SALL3: variants seen among roughly 807,000 people sequenced by gnomAD.
The protein encoded by SALL3 is sal-like protein 3.
SALL3 carries 25 observed loss-of-function variants against 66.2 expected under a neutral mutation model. The observed-to-expected ratio is 0.38, with a 90% CI of 0.28 to 0.53. SALL3 has a LOEUF of 0.53. SALL3 is among the 20% of genes least tolerant of loss of function. The pLI is 0.85. For synonymous variants in SALL3, 1,152 were observed against 899.1 expected, an observed-to-expected ratio of 1.28 and a Z score of -5.03; for missense variants, 2,194 against 1,916.5, an observed-to-expected ratio of 1.14 and a Z score of -2.70.
In SALL3 at chr18:78,993,315, C is replaced by T; in HGVS notation, c.1324C>T (p.His442Tyr). 6 of 1,612,316 alleles carry T rather than the reference C, an allele frequency of 3.7e-6. No individual in the cohort carries two copies. Among genetic ancestry groups the T allele is most frequent in the Non-Finnish European group, 5.1e-6 (6 of 1,179,868 alleles). The change falls in exon 2 of 3, where the codon CAC becomes TAC. Residue 442 changes from histidine to tyrosine, a missense_variant. His to Tyr is a moderately conservative substitution (Grantham distance 83, BLOSUM62 2). Transcript: ENST00000537592. ...CGCGCTCCAGATCCACCTGCGCTCG[C>T]ACACAGGCGAGCGGCCCTTCAAGTG... ...DSALQIHLRS[H>Y]TGERPFKCNI...
Position 78,993,200 on chromosome 18 carries a change from T to C in SALL3, c.1209T>C (p.Asn403=), listed in dbSNP as rs753907908. 3.1e-6 allele frequency: 5 copies of C among 1,611,208 alleles called. No homozygotes were observed. The highest frequency in any genetic ancestry group is 4.2e-6 in the Non-Finnish European group (5 of 1,179,554). The change falls in exon 2 of 3, where the codon AAT becomes AAC. Residue 403 remains asparagine (N), a synonymous_variant. Transcript: ENST00000537592. ...AGCACCGCAAGGGCAAGCCGCCCAA[T>C]GTGTCGGTGTTCGAGCCCAAAGCCA... ...LMKHRKGKPP[N]VSVFEPKASA...
In SALL3 at chr18:78,992,220, C is replaced by G; in HGVS notation, c.229C>G (p.Pro77Ala). 1 of 1,606,936 alleles carries G rather than the reference C, an allele frequency of 6.2e-7. No individual in the cohort carries two copies. The highest frequency in any genetic ancestry group is 8.5e-7 in the Non-Finnish European group (1 of 1,178,198). The change falls in exon 2 of 3, where the codon CCG becomes GCG. Residue 77 changes from proline (P) to alanine (A), a missense_variant. Pro to Ala is a conservative substitution (Grantham distance 27). Coordinates refer to ENST00000537592, the MANE Select transcript of SALL3 (RefSeq NM_171999.4). Reference protein sequence around the residue: ...LEHQRSCTKLPPVLIVHEDAP... With the variant: ...LEHQRSCTKLAPVLIVHEDAP... ...GCACCAGCGGAGCTGCACCAAGCTC[C>G]CGCCCGTGCTGATCGTGCACGAGGA...
At chr18:78,986,206 T>G (rs1447633892) in intron 1 of SALL3, among the ~76,000 whole-genome samples, 2 of 152,200 alleles carry the variant, frequency 1.3e-5, no homozygotes, top group Non-Finnish European at 2.9e-5. Context: ...CCCGGGTGCT[T>G]CACTGCACAG....
At chr18:78,991,508 A>G (rs1359447426) in intron 1 of SALL3, among the ~76,000 whole-genome samples, 3 of 152,214 alleles carry the variant, frequency 2.0e-5, no homozygotes, top group Admixed American at 1.3e-4. Context: ...AATTGCCTAC[A>G]TAAAGTAAAT....
rs1447114346 is a variant in SALL3, at chr18:78,992,786, G to T, written c.795G>T (p.Pro265=). Residue 265 remains proline, a synonymous_variant, in exon 2 of 3, where the codon CCG becomes CCT. Coordinates refer to ENST00000537592, the MANE Select transcript of SALL3 (RefSeq NM_171999.4). ...AGCTGCCCGGGCTGGCCGCGCTCCC[G>T]CTGTCGGCCGGGGCCCCTGCCGCCG... ...PSQLPGLAAL[P]LSAGAPAAAI... 3 of 990,584 alleles carry T rather than the reference G, an allele frequency of 3.0e-6. No individual in the cohort carries two copies. The African/African-American group carries it at 5.3e-5, about 17-fold the overall frequency. The allele number at this position is 990,584 out of a possible 1,614,324, so 61.4% of individuals were successfully genotyped here.
intron 1 of SALL3, among the ~76,000 whole-genome samples, chr18:78,986,002 A>G (rs1029303319): frequency 6.6e-6 from 1 of 152,228 alleles, no homozygotes; most frequent in Non-Finnish European, 1.5e-5. Context: ...TTCATTAGGC[A>G]TAGATAGTGA....
At position 78,995,152 on chromosome 18, in the gene SALL3, C is replaced by G. The variant is rs772854234; in HGVS notation, c.3161C>G (p.Ser1054Cys). ...AGCCAAAGCACTCCTAGCCTGATCTCCAGCGCCGCACCCACCATGATCAAA... is the reference window on the plus strand; with the variant it reads ...AGCCAAAGCACTCCTAGCCTGATCTGCAGCGCCGCACCCACCATGATCAAA... ...GPSQSTPSLISSAAPTMIKME... is the reference protein window; with the variant it reads ...GPSQSTPSLICSAAPTMIKME... Residue 1054 changes from serine (S) to cysteine (C), a missense_variant, in exon 2 of 3, where the codon TCC becomes TGC. Coordinates refer to ENST00000537592, the MANE Select transcript of SALL3 (RefSeq NM_171999.4). 2.6e-5 allele frequency: 42 copies of G among 1,613,466 alleles called. No homozygotes were observed. The highest frequency in any genetic ancestry group is 3.2e-5 in the Non-Finnish European group (38 of 1,180,028).
At position 78,993,540 on chromosome 18, in the gene SALL3, C is replaced by T; in HGVS notation, c.1549C>T (p.Pro517Ser). The change falls in exon 2 of 3, where the codon CCC (proline) becomes TCC (serine). Residue 517 changes from proline (P) to serine (S), a missense_variant. Pro to Ser is a moderately conservative substitution (Grantham distance 74). Coordinates refer to ENST00000537592, the MANE Select transcript of SALL3 (RefSeq NM_171999.4). Reference sequence around the variant, plus strand: ...CGTGACCACCTGGCTGGACAGCAAGCCCGTGCTGCCCACCGTGCCCACGTC... The same window carrying T: ...CGTGACCACCTGGCTGGACAGCAAGTCCGTGCTGCCCACCGTGCCCACGTC... ...KPVTTWLDSKPVLPTVPTSVG... is the reference protein window; with the variant it reads ...KPVTTWLDSKSVLPTVPTSVG... 3 of 1,594,946 alleles carry T rather than the reference C, an allele frequency of 1.9e-6. No individual in the cohort carries two copies. The highest frequency in any genetic ancestry group is 1.1e-5 in the South Asian group (1 of 89,266).
At chr18:78,996,493 G>A (rs977333605) in intron 2 of SALL3, among the ~76,000 whole-genome samples, 2 of 152,204 alleles carry the variant, frequency 1.3e-5, no homozygotes, top group Non-Finnish European at 2.9e-5. Flanking sequence ...CACAGTCAGA[G>A]AGTCCCAGCA....
Position 78,995,089 on chromosome 18 carries a change from C to T in SALL3, c.3098C>T (p.Pro1033Leu), listed in dbSNP as rs967334137. The T allele has an allele frequency of 3.7e-6, 6 of 1,613,882 alleles. No homozygotes were observed. The highest frequency in any genetic ancestry group is 4.2e-6 in the Non-Finnish European group (5 of 1,180,034). Residue 1033 changes from proline to leucine, a missense_variant, in exon 2 of 3, where the codon CCT (proline) becomes CTT (leucine). By Grantham distance (98) the Pro-to-Leu change is moderately conservative (BLOSUM62 -3). Coordinates refer to ENST00000537592, the MANE Select transcript of SALL3 (RefSeq NM_171999.4). ...HLLTHRLKEL[P>L]SQLFDPNFAL... Reference sequence around the variant, plus strand: ...CTGACACACAGATTGAAAGAGCTGCCTTCTCAGTTATTTGACCCCAACTTT... The same window carrying T: ...CTGACACACAGATTGAAAGAGCTGCTTTCTCAGTTATTTGACCCCAACTTT...
chr18:78,992,750 G>A lies in SALL3; in HGVS notation c.759G>A (p.Pro253=), dbSNP rs1047420006. The change falls in exon 2 of 3, where the codon CCG becomes CCA. Residue 253 remains proline (P), a synonymous_variant. Coordinates refer to ENST00000537592, the MANE Select transcript of SALL3 (RefSeq NM_171999.4). ...CGGCCGCCCCGAGCGCACCGGGCCC[G>A]GCCCCCAGCCAGCTGCCCGGGCTGG... ...SPAAAPSAPG[P]APSQLPGLAA... The A allele has an allele frequency of 2.0e-4, 230 of 1,164,538 alleles. 1 individual carries two copies. The Middle Eastern group carries it at 2.6e-3, about 13-fold the overall frequency. 72.1% of individuals were successfully genotyped at this position (1,164,538 alleles called of 1,614,324 possible).
chr18:78,980,392 G>A (rs1328226234), intron 1 of SALL3, 36 bp downstream of exon 1: 7 of 1,284,332 alleles, frequency 5.5e-6, no homozygotes, highest in Non-Finnish European at 7.0e-6. Flanking sequence ...CGGGGGGTCT[G>A]GGGCTGCCCG....
rs1914511142 is a variant in SALL3 at position 78,992,926 on chromosome 18, C to G, written c.935C>G (p.Ala312Gly). 6 of 1,004,712 alleles carry G rather than the reference C, an allele frequency of 6.0e-6. No homozygotes were observed. The highest frequency in any genetic ancestry group is 5.9e-6 in the Non-Finnish European group (5 of 844,104). The allele number at this position is 1,004,712 out of a possible 1,614,324, so 62.2% of individuals were successfully genotyped here. The change falls in exon 2 of 3, where the codon GCC (alanine) becomes GGC (glycine). Residue 312 changes from alanine (A) to glycine (G), a missense_variant. Coordinates refer to ENST00000537592, the MANE Select transcript of SALL3 (RefSeq NM_171999.4). ...PGGPAEPSAP[A>G]APSAAPAPAA... The stretch of plus-strand genomic sequence containing the variant: ...GGCCCTGCGGAGCCCAGCGCGCCCG[C>G]CGCCCCCAGCGCCGCCCCTGCCCCC...
rs750169313 is a variant in SALL3, at chr18:78,993,431, C to T, written c.1440C>T (p.Asn480=). The change falls in exon 2 of 3, where the codon AAC becomes AAT. Residue 480 remains asparagine (N), a synonymous_variant. Coordinates refer to ENST00000537592, the MANE Select transcript of SALL3 (RefSeq NM_171999.4). ...AGAAGTACCCCCACATCCAGATGAA[C>T]CCTTACCCGGTCCCCGAGTACCTGG... is the stretch of plus-strand genomic sequence containing the variant. ...HKEKYPHIQM[N]PYPVPEYLDN... is the part of the protein sequence containing the mutation. 3.5e-5 allele frequency: 56 copies of T among 1,613,078 alleles called. No individual in the cohort carries two copies. The South Asian group carries it at 5.9e-4, about 17-fold the overall frequency.
At chr18:78,988,919 G>A (rs891089216) in intron 1 of SALL3, among the ~76,000 whole-genome samples, 4 of 152,028 alleles carry the variant, frequency 2.6e-5, no homozygotes, top group African/African-American at 9.7e-5. Context: ...AATTTATTAC[G>A]GAGCTTTGCT....
rs557725030 is a variant in SALL3 at position 78,993,906 on chromosome 18, G to T, written c.1915G>T (p.Val639Phe). 1.5e-5 allele frequency: 24 copies of T among 1,595,824 alleles called. No homozygotes were observed. Among genetic ancestry groups the T allele is most frequent in the Non-Finnish European group, 2.0e-5 (24 of 1,172,076 alleles). Residue 639 changes from valine (V) to phenylalanine (F), a missense_variant, in exon 2 of 3, where the codon GTC (valine) becomes TTC (phenylalanine). Val to Phe is a conservative substitution (Grantham distance 50). Coordinates refer to ENST00000537592, the MANE Select transcript of SALL3 (RefSeq NM_171999.4). ...TSLGSPGLPAVSEQFKAQFPF... is the reference protein window; with the variant it reads ...TSLGSPGLPAFSEQFKAQFPF... Reference sequence around the variant, plus strand: ...CCTCGGCAGCCCCGGGCTGCCCGCCGTCTCCGAGCAGTTCAAGGCCCAGTT... The same window carrying T: ...CCTCGGCAGCCCCGGGCTGCCCGCCTTCTCCGAGCAGTTCAAGGCCCAGTT...
rs1914254971 is a variant in SALL3 at position 78,986,631 on chromosome 18, T to C, written c.83-5443T>C. 2.0e-5 allele frequency among the ~76,000 whole-genome samples: 3 copies of C among 152,214 alleles called. No individual in the cohort carries two copies. In the South Asian group the frequency reaches 6.2e-4, roughly 32 times the overall value. ...AAACTGGAAAAAAATGCTTTCTGGATTTTTAAGAGATGGAAAGGCAAAGGA... is the reference window on the plus strand; with the variant it reads ...AAACTGGAAAAAAATGCTTTCTGGACTTTTAAGAGATGGAAAGGCAAAGGA... On this transcript the variant is annotated intron_variant, in intron 1 of 2. Coordinates refer to ENST00000537592, the MANE Select transcript of SALL3 (RefSeq NM_171999.4).
At position 78,993,001 on chromosome 18, in the gene SALL3, C is replaced by A. The variant is rs761747883; in HGVS notation, c.1010C>A (p.Pro337Gln). ...PAPQSAASSQ[P>Q]QSASTPPALA... ...CCGCAGAGCGCAGCCTCGTCGCAGC[C>A]GCAGAGCGCATCCACGCCGCCTGCC... The change falls in exon 2 of 3, where the codon CCG (proline) becomes CAG (glutamine). Residue 337 changes from proline to glutamine, a missense_variant. By Grantham distance (76) the Pro-to-Gln change is moderately conservative. Transcript: ENST00000537592. 4.0e-6 allele frequency: 6 copies of A among 1,485,232 alleles called. No individual in the cohort carries two copies. The Admixed American group carries it at 1.2e-4, about 29-fold the overall frequency. 92.0% of individuals were successfully genotyped at this position (1,485,232 alleles called of 1,614,324 possible).
At chr18:78,984,683 A>T (rs1229724163) in intron 1 of SALL3, among the ~76,000 whole-genome samples, 1 of 152,218 alleles carries the variant, frequency 6.6e-6, no homozygotes, top group Non-Finnish European at 1.5e-5. Context: ...TTTATGATTT[A>T]AAATGCAGCT....
Sources: gnomAD v4.1 joint callset for allele counts (sites outside exome capture counted in the v4.1 genomes callset) on GRCh38, gnomAD v4.1.1 for gene constraint, MANE v1.5 for transcripts, NCBI Gene and HGNC (gene_info 2026-07-23, HGNC 2026-07-21) for gene names.